The following ADARB1 variants were observed in gnomAD, a reference collection of about 807,000 sequenced individuals.
ADARB1 encodes the protein adenosine deaminase RNA specific B1.
ADARB1 carries 10 observed loss-of-function variants against 52.4 expected under a neutral mutation model. That is an observed-to-expected ratio of 0.19 (90% confidence interval 0.12 to 0.32). ADARB1 has a LOEUF of 0.32. Ranked by LOEUF, ADARB1 falls within the 10% of genes least tolerant of loss-of-function variation. The pLI is 1.00. For missense variants in ADARB1, 643 were observed against 922.3 expected (o/e 0.70, Z 3.92); for synonymous variants, 349 against 371.1 (o/e 0.94, Z 0.68).
rs562414871 is a variant in ADARB1, at chr21:45,203,191, G to GC, written c.1566-1360dup. ...TCATCAAGCTCCTGGCTGCTTAGGGGCCCCTGCCCTGCCCCTCTGCCCTGG... is the reference window on the plus strand; with the variant it reads ...TCATCAAGCTCCTGGCTGCTTAGGGGCCCCCTGCCCTGCCCCTCTGCCCTGG... On this transcript the variant is annotated intron_variant, in intron 8 of 10. Coordinates refer to ENST00000348831, the MANE Select transcript of ADARB1 (RefSeq NM_001112.4). Among the ~76,000 whole-genome samples the GC allele has an allele frequency of 6.0e-4, 92 of 152,126 alleles. 1 individual carries two copies. The East Asian group carries it at 0.015, about 24-fold the overall frequency.
chr21:45,115,080 G>T (rs779533744), intron 1 of ADARB1, among the ~76,000 whole-genome samples: 4 of 103,772 alleles, frequency 3.9e-5, no homozygotes, highest in African/African-American at 7.9e-5. Flanking sequence ...TGAGCCTCTT[G>T]CTTTGTTAAG....
At chr21:45,101,684 G>A (rs935605636) in intron 1 of ADARB1, among the ~76,000 whole-genome samples, 1 of 152,160 alleles carries the variant, frequency 6.6e-6, no homozygotes, top group South Asian at 2.1e-4. Context: ...CTTTCCTGAA[G>A]CAGAAAGCAT....
intron 1 of ADARB1, among the ~76,000 whole-genome samples, chr21:45,106,101 T>C (rs1015685510): frequency 2.6e-5 from 4 of 152,062 alleles, no homozygotes; most frequent in African/African-American, 7.2e-5. Context: ...TGTTCTTAGC[T>C]GTTTGCTTTG....
chr21:45,095,210 C>T (rs541021289), intron 1 of ADARB1, among the ~76,000 whole-genome samples: 26 of 152,338 alleles, frequency 1.7e-4, no homozygotes, highest in Non-Finnish European at 3.4e-4. Context: ...CTGTGCAGGT[C>T]CCCCAGTCAC....
chr21:45,106,414 G>A (rs913908390), intron 1 of ADARB1, among the ~76,000 whole-genome samples: 1 of 152,050 alleles, frequency 6.6e-6, no homozygotes, highest in Non-Finnish European at 1.5e-5. Flanking sequence ...TCCTAAATAC[G>A]TGACCTGGAG....
At chr21:45,181,418 G>T (rs566125698) in intron 5 of ADARB1, 1 of 152,444 alleles carries the variant, frequency 6.6e-6, no homozygotes, top group East Asian at 1.9e-4. Context: ...CTAATGTTTT[G>T]TACCTGTATC....
Position 45,204,796 on chromosome 21 carries a change from C to G in ADARB1, c.1747+60C>G. On this transcript the variant is annotated intron_variant, in intron 9 of 10. Coordinates refer to ENST00000348831, the MANE Select transcript of ADARB1 (RefSeq NM_001112.4). This position sits in a 1 kb window ranked among gnomAD's most constrained non-coding sequence, Gnocchi z 4.4. ...GTCTTGATTTTGCAATGTTTTCATC[C>G]TCATGAATGAAAAAAACACCACCTG... 1 of 1,555,326 alleles carries G rather than the reference C, an allele frequency of 6.4e-7. No homozygotes were observed. The highest frequency in any genetic ancestry group is 1.8e-5 in the Admixed American group (1 of 55,290).
intron 9 of ADARB1, among the ~76,000 whole-genome samples, chr21:45,209,592 C>T (rs2092729538): frequency 6.6e-6 from 1 of 152,182 alleles, no homozygotes; most frequent in Admixed American, 6.5e-5. Context: ...TCCATGCCAC[C>T]CCTCCATGGT....
intron 2 of ADARB1, among the ~76,000 whole-genome samples, chr21:45,134,991 C>T (rs943094013): frequency 1.3e-5 from 2 of 152,120 alleles, no homozygotes; most frequent in African/African-American, 2.4e-5. Context: ...AGCCTGTGAG[C>T]AGATTCTGGG....
chr21:45,158,224 G>C (rs1329400982), intron 2 of ADARB1, among the ~76,000 whole-genome samples: 2 of 150,600 alleles, frequency 1.3e-5, no homozygotes, highest in Admixed American at 1.3e-4. Context: ...TCCAGACCCT[G>C]ATTCTTCTCG....
chr21:45,112,996 TTAA>T (rs2087612759), intron 1 of ADARB1, among the ~76,000 whole-genome samples: 1 of 5,320 alleles, frequency 1.9e-4, no homozygotes, highest in African/African-American at 9.6e-4. Flanking sequence ...GGCAGAATGT[TTAA>T]GAAGTATTTC....
intron 2 of ADARB1, among the ~76,000 whole-genome samples, chr21:45,167,575 A>T (rs1336390782): frequency 7.9e-5 from 12 of 151,950 alleles, no homozygotes; most frequent in Admixed American, 7.2e-4. Context: ...ACATGGTGAA[A>T]CCCCATCTCT....
Position 45,208,903 on chromosome 21 carries a change from T to C in ADARB1, c.1747+4167T>C, listed in dbSNP as rs2092717314. 6.6e-6 allele frequency among the ~76,000 whole-genome samples: 1 copy of C among 152,150 alleles called. No homozygotes were observed. Among genetic ancestry groups the C allele is most frequent in the African/African-American group, 2.4e-5 (1 of 41,438 alleles). The stretch of plus-strand genomic sequence containing the variant: ...AAGCTTGGCTCCAAGTACAGAATCA[T>C]TCTTTTCATCTGACAATTTTTCTTT... On this transcript the variant is annotated intron_variant, in intron 9 of 10. Transcript: ENST00000348831. This position sits in a 1 kb window ranked among gnomAD's most constrained non-coding sequence, Gnocchi z 5.6.
At chr21:45,076,698 C>T (rs2085950017) in intron 1 of ADARB1, among the ~76,000 whole-genome samples, 1 of 152,168 alleles carries the variant, frequency 6.6e-6, no homozygotes, top group Non-Finnish European at 1.5e-5. Flanking sequence ...AATTTCACTT[C>T]CTCGTGAATT....
intron 1 of ADARB1, among the ~76,000 whole-genome samples, chr21:45,108,173 G>A (rs578099097): frequency 6.6e-5 from 10 of 152,308 alleles, no homozygotes; most frequent in Admixed American, 2.0e-4. Flanking sequence ...TGTTTTAAAA[G>A]TTGAGGGAGA....
chr21:45,128,987 T>C lies in ADARB1; in HGVS notation c.-48+414T>C, dbSNP rs530969252. On this transcript the variant is annotated intron_variant, in intron 2 of 10. Transcript: ENST00000348831. This position sits in a 1 kb window ranked among gnomAD's most constrained non-coding sequence, Gnocchi z 4.6. ...AAAATTTTCCTGTAATCCCAGCACA[T>C]TGGGAGGCTGAGGCAGGCAGATTAC... 5.3e-5 allele frequency among the ~76,000 whole-genome samples: 8 copies of C among 152,190 alleles called. No individual in the cohort carries two copies. Among genetic ancestry groups the C allele is most frequent in the Non-Finnish European group, 1.2e-4 (8 of 68,034 alleles).
At position 45,117,632 on chromosome 21, in the gene ADARB1, C is replaced by T. The variant is rs549702150; in HGVS notation, c.-219-10770C>T. Among the ~76,000 whole-genome samples the T allele has an allele frequency of 2.0e-5, 3 of 152,056 alleles. No homozygotes were observed. In the South Asian group the frequency reaches 6.2e-4, roughly 32 times the overall value. ...TTATATAACTAACGCAATGCTCATG[C>T]TACTTCACTTGTTACAAGAACATAT... On this transcript the variant is annotated intron_variant, in intron 1 of 10. Coordinates refer to ENST00000348831, the MANE Select transcript of ADARB1 (RefSeq NM_001112.4).
rs1032934107 is a variant in ADARB1 at position 45,221,997 on chromosome 21, TG to T, written c.1927-20del. 1 of 1,610,664 alleles carries T rather than the reference TG, an allele frequency of 6.2e-7. No individual in the cohort carries two copies. The highest frequency in any genetic ancestry group is 1.3e-5 in the African/African-American group (1 of 74,856). ...CTGTTACAGCGTCAACAGTTGCATT[TG>T]TTTTTTTATCCCTTCACAGGTTCCC... On this transcript the variant is annotated intron_variant, in intron 10 of 10. Transcript: ENST00000348831. This position sits in a 1 kb window ranked among gnomAD's most constrained non-coding sequence, Gnocchi z 4.9.
In ADARB1 at chr21:45,222,923, C is replaced by T; in HGVS notation, c.*726C>T. On this transcript the variant is annotated 3_prime_UTR_variant, in exon 11 of 11. Transcript: ENST00000348831. ...CCAGGCCCCTGTAGCCCTCAGCCTCCTCTAGAAGCTTCTGTACTCCTTGTA... is the reference window on the plus strand; with the variant it reads ...CCAGGCCCCTGTAGCCCTCAGCCTCTTCTAGAAGCTTCTGTACTCCTTGTA... The T allele has an allele frequency of 1.0e-6, 1 of 985,512 alleles. No homozygotes were observed. The highest frequency in any genetic ancestry group is 1.2e-6 in the Non-Finnish European group (1 of 829,958). 61.0% of individuals were successfully genotyped at this position (985,512 alleles called of 1,614,324 possible).
Sources: allele counts gnomAD v4.1 joint callset (sites outside exome capture counted in the v4.1 genomes callset), GRCh38; gene constraint gnomAD v4.1.1; non-coding constraint Gnocchi (gnomAD v3.1); transcripts MANE v1.5; gene names NCBI Gene and HGNC (gene_info 2026-07-23, HGNC 2026-07-21).